Variants in HOPX observed in about 807,000 individuals in gnomAD.
The protein encoded by HOPX is homeodomain-only protein.
In HOPX, 5 loss-of-function variants were observed where a neutral mutation model predicts 11.8. The ratio of observed to expected loss-of-function variants is 0.43; its 90% CI spans 0.22 to 0.89. The LOEUF (loss-of-function observed/expected upper bound fraction) is 0.89. Among genes scored for constraint, HOPX ranks in the 40% least tolerant of loss-of-function variants. The probability of loss-of-function intolerance (pLI) is 0.28; values close to 1 mark genes in which losing one functional copy is unlikely to be tolerated. For synonymous variants in HOPX, 49 were observed against 49.7 expected, an observed-to-expected ratio of 0.99 and a Z score of 0.06; for missense variants, 119 against 120.0, an observed-to-expected ratio of 0.99 and a Z score of 0.04.
intron 3 of HOPX, among the ~76,000 whole-genome samples, chr4:56,653,130 TG>T (rs1416524426): frequency 2.0e-5 from 3 of 152,226 alleles, no homozygotes; most frequent in Non-Finnish European, 4.4e-5. Flanking sequence ...CTTGAACTTC[TG>T]GGCTCAAGGG....
chr4:56,676,314 A>G (rs1445682346), intron 1 of HOPX, among the ~76,000 whole-genome samples: 1 of 151,516 alleles, frequency 6.6e-6, no homozygotes, highest in Non-Finnish European at 1.5e-5. Flanking sequence ...CAAAAAGTCT[A>G]AGGAAGCCAT....
intron 1 of HOPX, among the ~76,000 whole-genome samples, chr4:56,671,657 G>A (rs907826024): frequency 6.6e-6 from 1 of 151,932 alleles, no homozygotes; most frequent in African/African-American, 2.4e-5. Flanking sequence ...ACAAACAGAG[G>A]GTGTGCAGCT....
At chr4:56,651,880 G>GTT (rs201380421) in intron 3 of HOPX, among the ~76,000 whole-genome samples, 15,484 of 128,848 alleles carry the variant, frequency 0.12, 955 homozygotes, top group East Asian at 0.38. Context: ...GAGAGTGTGT[G>GTT]TGTGTGTGTG....
At chr4:56,670,632 A>T (rs1475867883) in intron 1 of HOPX, among the ~76,000 whole-genome samples, 1 of 152,202 alleles carries the variant, frequency 6.6e-6, no homozygotes, top group Admixed American at 6.5e-5. Context: ...AGAGAGATGT[A>T]TTTGTTGCAC....
rs913322036 is a variant in HOPX at position 56,655,460 on chromosome 4, G to A, written c.198+397C>T. ...CCCGCCTAGAATAGATCTTCCCGAAGGTTTCGCAGACAGACCAGAGGGGAC... is the reference window on the plus strand; with the variant it reads ...CCCGCCTAGAATAGATCTTCCCGAAAGTTTCGCAGACAGACCAGAGGGGAC... On this transcript the variant is annotated intron_variant, in intron 3 of 3. Transcript: ENST00000420433. Among the ~76,000 whole-genome samples, 29 of 152,350 alleles carry A rather than the reference G, an allele frequency of 1.9e-4. No homozygotes were observed. In the Middle Eastern group the frequency reaches 0.01, roughly 54 times the overall value.
chr4:56,656,493 C>G (rs1717752737), intron 2 of HOPX: 1 of 983,516 alleles, frequency 1.0e-6, no homozygotes. Context: ...AGCCGGCCTC[C>G]GGCCTCCCCG....
chr4:56,655,909 G>C lies in HOPX; in HGVS notation c.146C>G (p.Thr49Ser), dbSNP rs1225476618. ...CTCGGCCGCGATGAGGCACAGCGTG[G>C]TGGAATCCGGGTGCTTGTCGACCTT... Reference protein sequence around the residue: ...FNKVDKHPDSTTLCLIAAEAG... With the variant: ...FNKVDKHPDSSTLCLIAAEAG... The change falls in exon 3 of 4, where the codon ACC (threonine) becomes AGC (serine). Residue 49 changes from threonine (T) to serine (S), a missense_variant. Coordinates refer to ENST00000420433, the MANE Select transcript of HOPX (RefSeq NM_032495.6). 2 of 1,612,190 alleles carry C rather than the reference G, an allele frequency of 1.2e-6. No homozygotes were observed. The highest frequency in any genetic ancestry group is 1.7e-6 in the Non-Finnish European group (2 of 1,179,222).
chr4:56,658,061 G>A (rs1319329912), intron 1 of HOPX, among the ~76,000 whole-genome samples, 162 bp from the exon 2 acceptor site: 4 of 152,108 alleles, frequency 2.6e-5, no homozygotes, highest in Non-Finnish European at 4.4e-5. Context: ...ACAAGGGCTG[G>A]GAGACAGCTG....
intron 1 of HOPX, among the ~76,000 whole-genome samples, chr4:56,661,221 T>C (rs936379545): frequency 6.6e-6 from 1 of 152,256 alleles, no homozygotes; most frequent in Non-Finnish European, 1.5e-5. Context: ...ATATAATTTT[T>C]CTGTAAATTG....
intron 3 of HOPX, among the ~76,000 whole-genome samples, chr4:56,653,743 T>C (rs995464665): frequency 6.6e-6 from 1 of 152,124 alleles, no homozygotes; most frequent in South Asian, 2.1e-4. Flanking sequence ...TCCACTCATT[T>C]TGGGGCTGGG....
chr4:56,671,459 C>G lies in HOPX; in HGVS notation c.-84+9796G>C, dbSNP rs967360171. Among the ~76,000 whole-genome samples the G allele has an allele frequency of 2.6e-5, 4 of 152,040 alleles. 1 individual carries two copies. Among genetic ancestry groups the G allele is most frequent in the Non-Finnish European group, 5.9e-5 (4 of 68,022 alleles). ...ATAGATTATTATTTTTATGGTCCAACTACCATTCTTATTTTATGACTATAA... is the reference window on the plus strand; with the variant it reads ...ATAGATTATTATTTTTATGGTCCAAGTACCATTCTTATTTTATGACTATAA... On this transcript the variant is annotated intron_variant, in intron 1 of 3. Coordinates refer to ENST00000420433, the MANE Select transcript of HOPX (RefSeq NM_032495.6).
chr4:56,673,097 CAT>C (rs1437885232), intron 1 of HOPX, among the ~76,000 whole-genome samples: 1 of 152,134 alleles, frequency 6.6e-6, no homozygotes, highest in Non-Finnish European at 1.5e-5. Flanking sequence ...GTAGAACAAA[CAT>C]ATGAGAATAT....
intron 1 of HOPX, chr4:56,678,652 G>T (rs1719153931): frequency 1.3e-5 from 2 of 152,056 alleles, no homozygotes; most frequent in South Asian, 4.2e-4. Flanking sequence ...CACCATGTTG[G>T]TCAAGCTGGT....
intron 1 of HOPX, among the ~76,000 whole-genome samples, chr4:56,668,471 C>G (rs1181918679): frequency 6.6e-6 from 1 of 152,226 alleles, no homozygotes; most frequent in Admixed American, 6.5e-5. Flanking sequence ...GTGGTGCTGT[C>G]AGGCAGGAAC....
intron 3 of HOPX, chr4:56,649,592 T>C (rs1477449352): frequency 6.6e-6 from 1 of 152,190 alleles, no homozygotes; most frequent in East Asian, 1.9e-4. Context: ...TTACTCAGAA[T>C]CTCTCAGCTC....
intron 3 of HOPX, among the ~76,000 whole-genome samples, chr4:56,654,515 G>A (rs929291039): frequency 2.0e-5 from 3 of 152,240 alleles, no homozygotes; most frequent in Non-Finnish European, 4.4e-5. Context: ...CTCAGGGGAT[G>A]CCAAGAAACA....
At chr4:56,656,597 G>A in intron 2 of HOPX, 1 of 403,810 alleles carries the variant, frequency 2.5e-6, no homozygotes, top group Non-Finnish European at 3.3e-6. Flanking sequence ...AAAGTTCCCC[G>A]CAAGACAAGT....
intron 3 of HOPX, among the ~76,000 whole-genome samples, chr4:56,655,549 G>T (rs1717609231): frequency 6.6e-6 from 1 of 152,060 alleles, no homozygotes; most frequent in Non-Finnish European, 1.5e-5. Flanking sequence ...GAGGGAGAAA[G>T]CGTGTATCCC....
At chr4:56,678,935 A>AT (rs1719173048) in intron 1 of HOPX, 1 of 152,150 alleles carries the variant, frequency 6.6e-6, no homozygotes, top group Non-Finnish European at 1.5e-5. Context: ...ACATAGGCTG[A>AT]TTTTTAGAAA....
Sources: allele counts gnomAD v4.1 joint callset (sites outside exome capture counted in the v4.1 genomes callset), GRCh38; gene constraint gnomAD v4.1.1; transcripts MANE v1.5; gene names NCBI Gene and HGNC (gene_info 2026-07-23, HGNC 2026-07-21).